ZDHHC21: variants seen among roughly 807,000 people sequenced by gnomAD.
ZDHHC21 encodes the protein zDHHC palmitoyltransferase 21.
Under a neutral mutation model 34.6 loss-of-function variants are expected in ZDHHC21, and 15 were observed. That is an observed-to-expected ratio of 0.43 (90% CI 0.29 to 0.67). ZDHHC21 has a LOEUF of 0.67. Ranked by LOEUF, ZDHHC21 falls within the 30% of genes least tolerant of loss-of-function variation. The pLI is 0.14. For synonymous variants in ZDHHC21, 142 were observed against 101.8 expected (o/e 1.40, Z -2.38); for missense variants, 344 against 327.7 (o/e 1.05, Z -0.38).
At chr9:14,646,316 A>C (rs1267579073) in intron 7 of ZDHHC21, among the ~76,000 whole-genome samples, 1 of 152,110 alleles carries the variant, frequency 6.6e-6, no homozygotes, top group Non-Finnish European at 1.5e-5. Flanking sequence ...ATTTTTATGC[A>C]CTCCTTCATA....
chr9:14,680,243 A>C (rs1010646171), intron 2 of ZDHHC21, 81 bp from the exon 3 acceptor site: 2 of 152,294 alleles, frequency 1.3e-5, no homozygotes, highest in African/African-American at 4.8e-5. Flanking sequence ...TGGAAATGCC[A>C]ATGACAAACG....
chr9:14,643,701 T>A (rs10961634), intron 7 of ZDHHC21, among the ~76,000 whole-genome samples: 29,661 of 152,168 alleles, frequency 0.19, 3,057 homozygotes, highest in South Asian at 0.35. Flanking sequence ...TATTATTTAA[T>A]TTTTTTGTGC....
rs1163642103 is a variant in ZDHHC21, at chr9:14,614,624, G to GCTCTATATTTATAATATATA, written c.*4341_*4342insTATATATTATAAATATAGAG. ...AAATATAGAGCACAATGAAATCTGT[G>GCTCTATATTTATAATATATA]ATTTATAATAAATTCAGAGGATGAT... On this transcript the variant is annotated 3_prime_UTR_variant, in exon 10 of 10. Transcript: ENST00000380916. The GCTCTATATTTATAATATATA allele has an allele frequency of 6.6e-6, 1 of 151,632 alleles. No homozygotes were observed. Among genetic ancestry groups the GCTCTATATTTATAATATATA allele is most frequent in the Non-Finnish European group, 1.5e-5 (1 of 67,708 alleles). The allele number at this position is 151,632 out of a possible 1,614,324, so 9.4% of individuals were successfully genotyped here.
intron 3 of ZDHHC21, among the ~76,000 whole-genome samples, chr9:14,676,288 C>T (rs1836362095): frequency 6.6e-6 from 1 of 151,748 alleles, no homozygotes; most frequent in Non-Finnish European, 1.5e-5. Context: ...AAGGGTGATT[C>T]CCAGATTTTC....
chr9:14,669,239 G>C (rs75918434), intron 5 of ZDHHC21, among the ~76,000 whole-genome samples: 9 of 144,602 alleles, frequency 6.2e-5, no homozygotes, highest in African/African-American at 2.3e-4. Flanking sequence ...GCAGCCAAAA[G>C]ACACATGAAA....
chr9:14,622,033 T>A (rs964967122), intron 8 of ZDHHC21, among the ~76,000 whole-genome samples: 6 of 152,216 alleles, frequency 3.9e-5, no homozygotes, highest in Non-Finnish European at 7.4e-5. Context: ...TATGTAAAAC[T>A]CAGCTATCCA....
At chr9:14,596,534 G>C in the ZDHHC21 span, among the ~76,000 whole-genome samples, 2 of 152,176 alleles carry the variant, frequency 1.3e-5, no homozygotes, top group African/African-American at 4.8e-5. Flanking sequence ...TGGTCCGGTA[G>C]GAAAAGCAGT....
At chr9:14,673,526 C>T (rs1311848309) in intron 4 of ZDHHC21, among the ~76,000 whole-genome samples, 2 of 148,634 alleles carry the variant, frequency 1.3e-5, no homozygotes, top group African/African-American at 2.5e-5. Flanking sequence ...TCTGTTGGGG[C>T]GATAAAAAAA....
intron 2 of ZDHHC21, among the ~76,000 whole-genome samples, chr9:14,689,330 C>T (rs1838823673): frequency 6.6e-6 from 1 of 152,168 alleles, no homozygotes; most frequent in South Asian, 2.1e-4. Flanking sequence ...GAAAGAAAAT[C>T]AGTACTTGAT....
Position 14,612,502 on chromosome 9 carries a change from C to T in ZDHHC21, c.*6464G>A, listed in dbSNP as rs1468921089. ...AAAGGTGTTTTAAATTACGAGTACA[C>T]TTAAAGGGTGTTTCTCTTCATTTTT... On this transcript the variant is annotated 3_prime_UTR_variant, in exon 10 of 10. Coordinates refer to ENST00000380916, the MANE Select transcript of ZDHHC21 (RefSeq NM_178566.6). 1 of 151,934 alleles carries T rather than the reference C, an allele frequency of 6.6e-6. No homozygotes were observed. Among genetic ancestry groups the T allele is most frequent in the African/African-American group, 2.4e-5 (1 of 41,410 alleles). The allele number at this position is 151,934 out of a possible 1,614,324, so 9.4% of individuals were successfully genotyped here. A position where few individuals can be genotyped will look rare whatever the true frequency, so the allele number is the denominator to read the frequency against.
the ZDHHC21 span, among the ~76,000 whole-genome samples, chr9:14,591,716 G>C: frequency 2.0e-5 from 3 of 151,908 alleles, no homozygotes; most frequent in Non-Finnish European, 4.4e-5. Context: ...AAAACTACAA[G>C]AAAAAAGCCA....
chr9:14,688,168 T>C (rs1210947160), intron 2 of ZDHHC21, among the ~76,000 whole-genome samples: 3 of 150,962 alleles, frequency 2.0e-5, no homozygotes, highest in South Asian at 4.1e-4. Context: ...CATAGTCTCT[T>C]ATTCACTTTC....
chr9:14,677,079 C>T (rs1587409731), intron 3 of ZDHHC21, among the ~76,000 whole-genome samples: 2 of 152,008 alleles, frequency 1.3e-5, no homozygotes, highest in Admixed American at 6.6e-5. Flanking sequence ...TTCTCCTCTA[C>T]TAGAGAACAA....
rs766852484 is a variant in ZDHHC21, at chr9:14,657,702, T to C, written c.504+1047A>G. Among the ~76,000 whole-genome samples the C allele has an allele frequency of 2.0e-5, 3 of 152,308 alleles. No homozygotes were observed. The East Asian group carries it at 5.8e-4, about 29-fold the overall frequency. On this transcript the variant is annotated intron_variant, in intron 7 of 9. Transcript: ENST00000380916. ...AGGGCTGAATTTAAACCAAGGCCCA[T>C]AGTTTGCCAATACTGCACTATACTA...
intron 2 of ZDHHC21, among the ~76,000 whole-genome samples, chr9:14,682,508 C>T (rs916799545): frequency 2.6e-5 from 4 of 152,170 alleles, no homozygotes; most frequent in Non-Finnish European, 5.9e-5. Flanking sequence ...AATATAAATG[C>T]ACCCAATACA....
At chr9:14,688,102 G>A (rs1333114932) in intron 2 of ZDHHC21, among the ~76,000 whole-genome samples, 4 of 136,906 alleles carry the variant, frequency 2.9e-5, no homozygotes, top group Admixed American at 2.9e-4. Flanking sequence ...ATATTCAGTT[G>A]ATTATCAACA....
intron 8 of ZDHHC21, among the ~76,000 whole-genome samples, chr9:14,621,949 G>A (rs1412097616): frequency 1.3e-5 from 2 of 152,090 alleles, no homozygotes; most frequent in African/African-American, 4.8e-5. Context: ...CACAGTTAGT[G>A]CTCATCATGA....
chr9:14,638,429 A>T (rs898236023), intron 8 of ZDHHC21, among the ~76,000 whole-genome samples: 4 of 152,108 alleles, frequency 2.6e-5, no homozygotes, highest in African/African-American at 9.6e-5. Flanking sequence ...AAAACCTACA[A>T]CTGTGAAACT....
At chr9:14,654,884 C>T (rs191275742) in intron 7 of ZDHHC21, among the ~76,000 whole-genome samples, 52 of 151,962 alleles carry the variant, frequency 3.4e-4, no homozygotes, top group African/African-American at 1.1e-3. Flanking sequence ...TGAGACTTCA[C>T]GTACATGTAA....
Sources: allele counts gnomAD v4.1 joint callset (sites outside exome capture counted in the v4.1 genomes callset), GRCh38; gene constraint gnomAD v4.1.1; transcripts MANE v1.5; gene names NCBI Gene and HGNC (gene_info 2026-07-23, HGNC 2026-07-21).